The following MICU3 variants were observed in gnomAD, a reference collection of about 807,000 sequenced individuals.
The protein encoded by MICU3 is calcium uptake protein 3, mitochondrial.
A neutral mutation model predicts 66.5 loss-of-function variants in MICU3; 62 were observed. That is an observed-to-expected ratio of 0.93 (90% confidence interval 0.76 to 1.15). The LOEUF (loss-of-function observed/expected upper bound fraction) is 1.15. MICU3 is among the 50% of genes most tolerant of loss of function. The pLI is 0.00. For synonymous variants in MICU3, 308 were observed against 240.7 expected (o/e 1.28, Z -2.59); for missense variants, 779 against 664.4 (o/e 1.17, Z -1.90).
chr8:17,114,760 G>A (rs2150833723), intron 12 of MICU3, among the ~76,000 whole-genome samples: 1 of 152,132 alleles, frequency 6.6e-6, no homozygotes, highest in East Asian at 1.9e-4. Context: ...TGCCCTATGG[G>A]GACTTTGTTT....
At chr8:17,032,662 T>C (rs1344742992) in intron 1 of MICU3, among the ~76,000 whole-genome samples, 1 of 152,204 alleles carries the variant, frequency 6.6e-6, no homozygotes, top group Non-Finnish European at 1.5e-5. Context: ...GATATAATGC[T>C]TTTTCCCAGA....
At position 17,027,522 on chromosome 8, in the gene MICU3, A is replaced by G. The variant is rs181771849; in HGVS notation, c.243A>G (p.Val81=). 2.0e-3 allele frequency: 2,611 copies of G among 1,283,136 alleles called. 44 individuals carry two copies. The African/African-American group carries it at 0.035, about 17-fold the overall frequency. The allele number at this position is 1,283,136 out of a possible 1,614,324, so 79.5% of individuals were successfully genotyped here. The change falls in exon 1 of 15, where the codon GTA becomes GTG. Residue 81 remains valine (V), a synonymous_variant. Transcript: ENST00000318063. ...AAAGGGLVGL[V]CYQLYGDPRA... ...CCGGCGGGGGGCTGGTCGGCCTGGTATGCTACCAGCTGTACGGGGACCCCA... is the reference window on the plus strand; with the variant it reads ...CCGGCGGGGGGCTGGTCGGCCTGGTGTGCTACCAGCTGTACGGGGACCCCA...
At chr8:17,074,195 G>C (rs1473485734) in intron 3 of MICU3, among the ~76,000 whole-genome samples, 3 of 151,746 alleles carry the variant, frequency 2.0e-5, no homozygotes, top group Admixed American at 2.0e-4. Flanking sequence ...CTGTATAGTG[G>C]AATTTTCTAG....
chr8:17,098,815 G>A (rs1801000168), intron 9 of MICU3, among the ~76,000 whole-genome samples: 1 of 151,562 alleles, frequency 6.6e-6, no homozygotes, highest in South Asian at 2.1e-4. Flanking sequence ...AAGTTTCACT[G>A]AATCTTTTAA....
chr8:17,111,690 TA>T (rs1402630309), intron 11 of MICU3, among the ~76,000 whole-genome samples: 1 of 152,202 alleles, frequency 6.6e-6, no homozygotes, highest in Non-Finnish European at 1.5e-5. Context: ...AATTAGTTTT[TA>T]TAAATGGTAT....
Position 17,085,249 on chromosome 8 carries a change from G to A in MICU3, c.708G>A (p.Gly236=), listed in dbSNP as rs200086342. Residue 236 remains glycine, a synonymous_variant, in exon 6 of 15, where the codon GGG becomes GGA. Coordinates refer to ENST00000318063, the MANE Select transcript of MICU3 (RefSeq NM_181723.3). The part of the protein sequence containing the change: ...LLCILTKPHA[G]FRIAFNMFDT... ...TTTTTCTGGCAGAGCCACATGCAGG[G>A]TTCAGAATAGCTTTCAACATGTTTG... The A allele has an allele frequency of 6.2e-7, 1 of 1,609,726 alleles. No individual in the cohort carries two copies. The highest frequency in any genetic ancestry group is 8.5e-7 in the Non-Finnish European group (1 of 1,177,548).
At chr8:17,037,748 C>A (rs186296759) in intron 1 of MICU3, among the ~76,000 whole-genome samples, 1 of 152,202 alleles carries the variant, frequency 6.6e-6, no homozygotes, top group Admixed American at 6.5e-5. Flanking sequence ...CACTCAACAT[C>A]AGCCCATGAA....
At chr8:17,085,999 C>T (rs1799427921) in intron 6 of MICU3, among the ~76,000 whole-genome samples, 1 of 151,966 alleles carries the variant, frequency 6.6e-6, no homozygotes, top group African/African-American at 2.4e-5. Flanking sequence ...ATAGAAAATA[C>T]TATTAATGTA....
At chr8:17,066,154 C>T (rs1424050416) in intron 2 of MICU3, among the ~76,000 whole-genome samples, 1 of 151,258 alleles carries the variant, frequency 6.6e-6, no homozygotes, top group East Asian at 1.9e-4. Context: ...AATGTAGATT[C>T]TTTATTAGTG....
At chr8:17,046,155 C>G (rs1815047955) in intron 1 of MICU3, among the ~76,000 whole-genome samples, 1 of 152,206 alleles carries the variant, frequency 6.6e-6, no homozygotes, top group African/African-American at 2.4e-5. Flanking sequence ...GCTAGTCAGT[C>G]AGAAGTTCTG....
intron 8 of MICU3, among the ~76,000 whole-genome samples, chr8:17,095,515 A>C (rs1191644059): frequency 1.3e-5 from 2 of 152,032 alleles, no homozygotes; most frequent in Admixed American, 6.6e-5. Flanking sequence ...CACTAATAGC[A>C]AAAACAGTTT....
intron 1 of MICU3, among the ~76,000 whole-genome samples, chr8:17,038,415 C>T (rs2150512404): frequency 6.6e-6 from 1 of 152,290 alleles, no homozygotes; most frequent in South Asian, 2.1e-4. Context: ...CATGACTTTG[C>T]TCCTCATTTG....
At chr8:17,136,151 C>T in the MICU3 span, among the ~76,000 whole-genome samples, 1 of 151,984 alleles carries the variant, frequency 6.6e-6, no homozygotes, top group Admixed American at 6.6e-5. Context: ...TGGTTATTAA[C>T]CAGTAGGCTG....
rs1803252570 is a variant in MICU3, at chr8:17,122,335, A to G, written c.*2048A>G. On this transcript the variant is annotated 3_prime_UTR_variant, in exon 15 of 15. Coordinates refer to ENST00000318063, the MANE Select transcript of MICU3 (RefSeq NM_181723.3). ...AAAATATCTCACTGAATTGTTACTT[A>G]TATCAATTTAAAATTTGCTAGTGGT... 6.6e-6 allele frequency: 1 copy of G among 151,900 alleles called. No homozygotes were observed. The highest frequency in any genetic ancestry group is 2.4e-5 in the African/African-American group (1 of 41,448). The allele number at this position is 151,900 out of a possible 1,614,324, so 9.4% of individuals were successfully genotyped here. A position where few individuals can be genotyped will look rare whatever the true frequency, so the allele number is the denominator to read the frequency against.
the MICU3 span, chr8:17,131,875 C>T: frequency 3.3e-5 from 5 of 152,106 alleles, no homozygotes; most frequent in African/African-American, 1.2e-4. Context: ...ACAAAGTAGG[C>T]CAAAATATGG....
intron 7 of MICU3, among the ~76,000 whole-genome samples, chr8:17,089,565 A>T (rs2150754334): frequency 6.6e-6 from 1 of 152,200 alleles, no homozygotes; most frequent in African/African-American, 2.4e-5. Context: ...TTATTGTGAA[A>T]ATATATGAAT....
chr8:17,097,700 A>G (rs568052701), intron 8 of MICU3, among the ~76,000 whole-genome samples: 66 of 151,808 alleles, frequency 4.3e-4, no homozygotes, highest in African/African-American at 1.6e-3. Context: ...TTCCCTGATA[A>G]ATCCTGACAG....
chr8:17,043,296 G>A (rs1814520228), intron 1 of MICU3, among the ~76,000 whole-genome samples: 1 of 151,952 alleles, frequency 6.6e-6, no homozygotes, highest in African/African-American at 2.4e-5. Context: ...TATAATTTAG[G>A]CACAGTTTAA....
chr8:17,089,296 G>C (rs960308352), intron 7 of MICU3, among the ~76,000 whole-genome samples: 1 of 151,998 alleles, frequency 6.6e-6, no homozygotes, highest in Non-Finnish European at 1.5e-5. Flanking sequence ...AGTCATTACT[G>C]TGTTTAGCAA....
Sources: allele counts gnomAD v4.1 joint callset (sites outside exome capture counted in the v4.1 genomes callset), GRCh38; gene constraint gnomAD v4.1.1; transcripts MANE v1.5; gene names NCBI Gene and HGNC (gene_info 2026-07-23, HGNC 2026-07-21).